The following NNMT variants were observed in gnomAD, a reference collection of about 807,000 sequenced individuals.
The protein encoded by NNMT is nicotinamide N-methyltransferase.
Under a neutral mutation model 11.7 loss-of-function variants are expected in NNMT, and 10 were observed. The observed-to-expected ratio is 0.85, with a 90% confidence interval of 0.53 to 1.45. The LOEUF (loss-of-function observed/expected upper bound fraction) is 1.45. NNMT is among the 40% of genes most tolerant of loss of function. The pLI, the probability that NNMT is intolerant of heterozygous loss-of-function variation, is 0.00. For synonymous variants in NNMT, 143 were observed against 133.8 expected (o/e 1.07, Z -0.48); for missense variants, 381 against 319.4 (o/e 1.19, Z -1.47).
At chr11:114,279,825 G>A (rs1432893738) in intron 2 of NNMT, among the ~76,000 whole-genome samples, 1 of 152,210 alleles carries the variant, frequency 6.6e-6, no homozygotes, top group Non-Finnish European at 1.5e-5. Flanking sequence ...TTTATAGGAG[G>A]TGAGAGCGCA....
At chr11:114,302,463 C>T (rs1252110710) in intron 2 of NNMT, among the ~76,000 whole-genome samples, 1 of 152,092 alleles carries the variant, frequency 6.6e-6, no homozygotes, top group Non-Finnish European at 1.5e-5. Flanking sequence ...AACCGACTTT[C>T]CTGGCCCTTA....
chr11:114,299,847 G>C (rs984080479), intron 2 of NNMT, among the ~76,000 whole-genome samples: 1 of 150,296 alleles, frequency 6.7e-6, no homozygotes, highest in Non-Finnish European at 1.5e-5. Flanking sequence ...TGTAGGATCT[G>C]TAGTGATCTC....
rs560223478 is a variant in NNMT, at chr11:114,298,146, T to C, written c.350T>C (p.Leu117Pro). The C allele has an allele frequency of 1.9e-6, 3 of 1,614,182 alleles. No individual in the cohort carries two copies. In the East Asian group the frequency reaches 6.7e-5, roughly 36 times the overall value. Residue 117 changes from leucine to proline, a missense_variant, in exon 2 of 3, where the codon CTT becomes CCT. Coordinates refer to ENST00000299964, the MANE Select transcript of NNMT (RefSeq NM_006169.3). ...CCAGTGGTGACCTATGTGTGTGATC[T>C]TGAAGGGAACAGGTAGAGAAACTGG... Reference protein sequence around the residue: ...WSPVVTYVCDLEGNRVKGPEK... With the variant: ...WSPVVTYVCDPEGNRVKGPEK...
At chr11:114,259,266 C>T (rs118151782) in intron 1 of NNMT, among the ~76,000 whole-genome samples, 2,914 of 150,192 alleles carry the variant, frequency 0.019, 40 homozygotes, top group Middle Eastern at 0.034. Context: ...GTCAGGGGCA[C>T]GTGAGAGCAG....
At chr11:114,296,809 C>A in intron 1 of NNMT, 99 bp downstream of exon 1, 1 of 1,172,866 alleles carries the variant, frequency 8.5e-7, no homozygotes, top group Non-Finnish European at 1.2e-6. Context: ...TGCTTCACAG[C>A]CCTTTTGGCA....
chr11:114,261,292 T>C (rs1277010395), intron 1 of NNMT, among the ~76,000 whole-genome samples: 1 of 152,154 alleles, frequency 6.6e-6, no homozygotes, highest in Non-Finnish European at 1.5e-5. Context: ...CCTTAAAAGC[T>C]GCCTTGGGGC....
At chr11:114,273,161 G>C (rs141361303) in intron 2 of NNMT, among the ~76,000 whole-genome samples, 1 of 152,150 alleles carries the variant, frequency 6.6e-6, no homozygotes. Flanking sequence ...ATTTCCTGTC[G>C]TTCTACAAAA....
rs1388996481 is a variant in NNMT at position 114,259,349 on chromosome 11, G to GA, written c.-217+1471_-217+1472insA. On this transcript the variant is annotated intron_variant, in intron 1 of 4. Coordinates refer to the NNMT transcript ENST00000535401. ...TGTACACACACGCAGAGGCCCAGTGGGGGGGGGGGAGCTCCTGCATCCCCA... is the reference window on the plus strand; with the variant it reads ...TGTACACACACGCAGAGGCCCAGTGGAGGGGGGGGGAGCTCCTGCATCCCCA... Among the ~76,000 whole-genome samples the GA allele has an allele frequency of 3.4e-5, 4 of 118,170 alleles. 1 individual carries two copies. Among genetic ancestry groups the GA allele is most frequent in the Admixed American group, 1.6e-4 (2 of 12,130 alleles). The allele number at this position is 118,170 out of a possible 152,430, so 77.5% of individuals were successfully genotyped here.
upstream of NNMT, among the ~76,000 whole-genome samples, chr11:114,293,717 A>G (rs899620743): frequency 1.3e-4 from 20 of 152,186 alleles, no homozygotes; most frequent in African/African-American, 4.8e-4. Flanking sequence ...ACTATGGAGA[A>G]CGGTTTGGAT....
intron 2 of NNMT, among the ~76,000 whole-genome samples, chr11:114,307,477 C>T (rs1945503206): frequency 6.6e-6 from 1 of 152,160 alleles, no homozygotes; most frequent in Admixed American, 6.5e-5. Context: ...ACCCCTGTCT[C>T]CCTCCTGACT....
intron 2 of NNMT, among the ~76,000 whole-genome samples, chr11:114,298,843 G>A (rs1262701562): frequency 2.0e-5 from 3 of 152,122 alleles, no homozygotes; most frequent in African/African-American, 4.8e-5. Flanking sequence ...ACGAGAAATT[G>A]GCAATAGCCT....
At chr11:114,289,524 G>A (rs993872602) in intron 2 of NNMT, among the ~76,000 whole-genome samples, 2 of 152,080 alleles carry the variant, frequency 1.3e-5, no homozygotes, top group African/African-American at 4.8e-5. Flanking sequence ...TGCCTTAGCT[G>A]CAACTCATGA....
At position 114,289,730 on chromosome 11, in the gene NNMT, G is replaced by A. The variant is rs564362529; in HGVS notation, c.-129-6698G>A. ...AAGCCCTATATCATTTCAGCCCTTT[G>A]AAATATGTTGAGGCTTGCTTAATGG... is the stretch of plus-strand genomic sequence containing the variant. On this transcript the variant is annotated intron_variant, in intron 2 of 4. Coordinates refer to the NNMT transcript ENST00000535401. Among the ~76,000 whole-genome samples the A allele has an allele frequency of 1.5e-4, 23 of 152,238 alleles. No homozygotes were observed. In the South Asian group the frequency reaches 3.1e-3, roughly 21 times the overall value.
upstream of NNMT, among the ~76,000 whole-genome samples, chr11:114,295,518 G>A (rs775220337): frequency 1.5e-5 from 2 of 132,370 alleles, no homozygotes; most frequent in Admixed American, 9.0e-5. Flanking sequence ...TCCGCCCCCC[G>A]GGTTCATGCC....
At chr11:114,261,133 C>T (rs570255216) in intron 1 of NNMT, among the ~76,000 whole-genome samples, 30 of 152,312 alleles carry the variant, frequency 2.0e-4, no homozygotes, top group African/African-American at 6.7e-4. Context: ...AGAACAGGAG[C>T]CCACGGAGCC....
At chr11:114,291,716 T>C (rs2050894538), upstream of NNMT, among the ~76,000 whole-genome samples, 1 of 152,164 alleles carries the variant, frequency 6.6e-6, no homozygotes, top group African/African-American at 2.4e-5. Flanking sequence ...TGTGGACTCG[T>C]CCTCTAAGTT....
At chr11:114,271,422 T>G (rs530813120) in intron 2 of NNMT, among the ~76,000 whole-genome samples, 1 of 152,290 alleles carries the variant, frequency 6.6e-6, no homozygotes, top group East Asian at 1.9e-4. Context: ...TGACTGAGAT[T>G]TAATGTCTAC....
At chr11:114,258,940 C>G (rs1333512677) in intron 1 of NNMT, among the ~76,000 whole-genome samples, 3 of 152,176 alleles carry the variant, frequency 2.0e-5, no homozygotes, top group Non-Finnish European at 4.4e-5. Context: ...GTCTGGCTCT[C>G]TCAACTTCTC....
intron 2 of NNMT, among the ~76,000 whole-genome samples, chr11:114,275,664 T>C (rs952043971): frequency 6.6e-6 from 1 of 152,124 alleles, no homozygotes; most frequent in African/African-American, 2.4e-5. Context: ...GGTTAGGTTT[T>C]GTGTTAGAAT....
Sources: allele counts gnomAD v4.1 joint callset (sites outside exome capture counted in the v4.1 genomes callset), GRCh38; gene constraint gnomAD v4.1.1; transcripts MANE v1.5; gene names NCBI Gene and HGNC (gene_info 2026-07-23, HGNC 2026-07-21).